The following LSM2 variants were observed in gnomAD, a reference collection of about 807,000 sequenced individuals.
LSM2 encodes the protein LSM2 homolog, U6 small nuclear RNA and mRNA degradation associated, also known as U6 snRNA-associated Sm-like protein LSm2.
A neutral mutation model predicts 17.0 loss-of-function variants in LSM2; 12 were observed. The observed-to-expected ratio is 0.70, with a 90% CI of 0.45 to 1.14. The LOEUF (loss-of-function observed/expected upper bound fraction) is 1.14, where lower values mean the gene tolerates loss of function less well. LSM2 is among the 50% of genes most tolerant of loss of function. LSM2 has a pLI of 0.00. For synonymous variants in LSM2, 42 were observed against 44.5 expected, an observed-to-expected ratio of 0.94 and a Z score of 0.22; for missense variants, 62 against 111.8, an observed-to-expected ratio of 0.55 and a Z score of 2.01.
chr6:31,800,663 G>A (rs1286992664), intron 2 of LSM2, among the ~76,000 whole-genome samples: 1 of 152,052 alleles, frequency 6.6e-6, no homozygotes, highest in Non-Finnish European at 1.5e-5. Context: ...CGAGGCGGGT[G>A]GATCACGAGG....
intron 1 of LSM2, 42 bp downstream of exon 1, chr6:31,806,713 G>A: frequency 1.2e-6 from 2 of 1,606,068 alleles, no homozygotes; most frequent in African/African-American, 2.7e-5. Context: ...CCAACCATGC[G>A]AGGTCCCCGA....
chr6:31,804,483 C>T (rs188730473), intron 2 of LSM2, among the ~76,000 whole-genome samples: 121 of 152,206 alleles, frequency 7.9e-4, no homozygotes, highest in Middle Eastern at 3.4e-3. Context: ...TCGTGTAAAA[C>T]AGCAATAGTA....
rs149631472 is a variant in LSM2 at position 31,801,753 on chromosome 6, G to A, written c.72-3246C>T. 5.4e-3 allele frequency among the ~76,000 whole-genome samples: 815 copies of A among 152,142 alleles called. 28 individuals are homozygous for A. The highest frequency in any genetic ancestry group is 0.048 in the Admixed American group (729 of 15,250). ...AGAGGTTGCAGTGAGCCAAGATCGC[G>A]CCACCGCACTCCAGCCAGGGCAACA... On this transcript the variant is annotated intron_variant, in intron 2 of 4. Transcript: ENST00000375661.
At chr6:31,806,395 G>C (rs1318751177) in intron 1 of LSM2, 1 of 600,508 alleles carries the variant, frequency 1.7e-6, no homozygotes, top group Non-Finnish European at 2.9e-6. Context: ...TCCCCACTGT[G>C]CTCTCTCAGT....
chr6:31,799,582 T>C (rs1814578803), intron 2 of LSM2, among the ~76,000 whole-genome samples: 1 of 151,352 alleles, frequency 6.6e-6, no homozygotes, highest in African/African-American at 2.4e-5. Flanking sequence ...GGTCTCGATC[T>C]CCTGACCTCA....
intron 2 of LSM2, among the ~76,000 whole-genome samples, chr6:31,800,588 A>C (rs1306190556): frequency 6.6e-6 from 1 of 151,990 alleles, no homozygotes; most frequent in African/African-American, 2.4e-5. Context: ...CCCCATCTCT[A>C]CTAAAAATAC....
At position 31,806,802 on chromosome 6, in the gene LSM2, G is replaced by A. The variant is rs557716739; in HGVS notation, c.-45C>T. 1,035 of 1,600,790 alleles carry A rather than the reference G, an allele frequency of 6.5e-4. 1 individual carries two copies. Among genetic ancestry groups the A allele is most frequent in the Admixed American group, 3.0e-3 (172 of 57,056 alleles). ...GCGGGCCGGACCGGGAAGACAGCAG[G>A]GTGCTGCGAGCAGGTCTGGGGAAAC... is the stretch of plus-strand genomic sequence containing the variant. On this transcript the variant is annotated 5_prime_UTR_variant, in exon 1 of 5. Transcript: ENST00000375661.
chr6:31,806,938 G>C lies in LSM2; in HGVS notation c.-181C>G. ...AAAGCGCGGCCGACTTGCGGCTGGG[G>C]AGCGCAAGCTGGGTAGAGTAGAGGG... On this transcript the variant is annotated 5_prime_UTR_variant, in exon 1 of 5. Coordinates refer to ENST00000375661, the MANE Select transcript of LSM2 (RefSeq NM_021177.5). The C allele has an allele frequency of 2.6e-6, 2 of 755,702 alleles. No individual in the cohort carries two copies. The highest frequency in any genetic ancestry group is 1.9e-5 in the South Asian group (1 of 53,048). 46.8% of individuals were successfully genotyped at this position (755,702 alleles called of 1,614,324 possible).
At chr6:31,805,291 C>G (rs1211360893) in intron 2 of LSM2, among the ~76,000 whole-genome samples, 2 of 149,260 alleles carry the variant, frequency 1.3e-5, no homozygotes, top group Non-Finnish European at 3.0e-5. Flanking sequence ...ACATCCTGGA[C>G]TCAAGTGATC....
chr6:31,801,555 G>A (rs376518720), intron 2 of LSM2, among the ~76,000 whole-genome samples: 3 of 152,218 alleles, frequency 2.0e-5, no homozygotes, highest in African/African-American at 7.2e-5. Flanking sequence ...AGCACTTTGG[G>A]AGGCTGAGGC....
rs187190432 is a variant in LSM2 at position 31,806,396 on chromosome 6, C to T, written c.4-254G>A. The T allele has an allele frequency of 4.3e-4, 258 of 600,646 alleles. 1 individual carries two copies. Among genetic ancestry groups the T allele is most frequent in the African/African-American group, 3.1e-3 (168 of 53,944 alleles). 37.2% of individuals were successfully genotyped at this position (600,646 alleles called of 1,614,324 possible). On this transcript the variant is annotated intron_variant, in intron 1 of 4. Transcript: ENST00000375661. ...TGCATACGTCGGCCTCCCCACTGTGCTCTCTCAGTCGACCACCTTTCTCGG... is the reference window on the plus strand; with the variant it reads ...TGCATACGTCGGCCTCCCCACTGTGTTCTCTCAGTCGACCACCTTTCTCGG...
At chr6:31,803,402 AG>A (rs1313667065) in intron 2 of LSM2, among the ~76,000 whole-genome samples, 1 of 152,038 alleles carries the variant, frequency 6.6e-6, no homozygotes, top group African/African-American at 2.4e-5. Context: ...GGTGGCATAT[AG>A]CCCCAGCTAT....
chr6:31,802,488 G>C (rs146717832), intron 2 of LSM2, among the ~76,000 whole-genome samples: 1 of 151,934 alleles, frequency 6.6e-6, no homozygotes, highest in East Asian at 1.9e-4. Flanking sequence ...CCAGCTACTC[G>C]GGAGGCTGAG....
intron 2 of LSM2, among the ~76,000 whole-genome samples, chr6:31,802,590 A>AT (rs1814782674): frequency 6.6e-6 from 1 of 151,540 alleles, no homozygotes. Flanking sequence ...ACTCGTCTCA[A>AT]TAAAAAAAAG....
rs1815040278 is a variant in LSM2 at position 31,806,428 on chromosome 6, G to C, written c.4-286C>G. The C allele has an allele frequency of 5.0e-6, 3 of 600,492 alleles. No homozygotes were observed. In the African/African-American group the frequency reaches 5.6e-5, roughly 11 times the overall value. The allele number at this position is 600,492 out of a possible 1,614,324, so 37.2% of individuals were successfully genotyped here. A position where few individuals can be genotyped will look rare whatever the true frequency, so the allele number is the denominator to read the frequency against. ...AGTCGACCACCTTTCTCGGGTACCTGCCCACTCCTTTCAATGAATTGTAGA... is the reference window on the plus strand; with the variant it reads ...AGTCGACCACCTTTCTCGGGTACCTCCCCACTCCTTTCAATGAATTGTAGA... On this transcript the variant is annotated intron_variant, in intron 1 of 4. Coordinates refer to ENST00000375661, the MANE Select transcript of LSM2 (RefSeq NM_021177.5).
intron 2 of LSM2, among the ~76,000 whole-genome samples, chr6:31,800,159 A>G (rs1814612346): frequency 6.6e-6 from 1 of 151,662 alleles, no homozygotes; most frequent in African/African-American, 2.4e-5. Context: ...ACATCGTGAA[A>G]CCCCATCTCT....
In LSM2 at chr6:31,804,763, C is replaced by CTT. The variant is rs9279424; in HGVS notation, c.71+1310_71+1311dup. Reference sequence around the variant, plus strand: ...CGGCCTATGGCCTGTTCTTTTTTTTCTTTTTTTTTTTTTTTTTTTTTGAGA... The same window carrying CTT: ...CGGCCTATGGCCTGTTCTTTTTTTTCTTTTTTTTTTTTTTTTTTTTTTTGAGA... On this transcript the variant is annotated intron_variant, in intron 2 of 4. Coordinates refer to ENST00000375661, the MANE Select transcript of LSM2 (RefSeq NM_021177.5). Among the ~76,000 whole-genome samples, 486 of 104,816 alleles carry CTT rather than the reference C, an allele frequency of 4.6e-3. 1 individual carries two copies. Among genetic ancestry groups the CTT allele is most frequent in the African/African-American group, 8.3e-3 (236 of 28,530 alleles). The allele number at this position is 104,816 out of a possible 152,430, so 68.8% of individuals were successfully genotyped here. A position where few individuals can be genotyped will look rare whatever the true frequency, so the allele number is the denominator to read the frequency against.
At position 31,797,569 on chromosome 6, in the gene LSM2, C is replaced by A; in HGVS notation, c.*188G>T. 1 of 765,006 alleles carries A rather than the reference C, an allele frequency of 1.3e-6. No homozygotes were observed. The highest frequency in any genetic ancestry group is 2.1e-6 in the Non-Finnish European group (1 of 484,170). The allele number at this position is 765,006 out of a possible 1,614,324, so 47.4% of individuals were successfully genotyped here. On this transcript the variant is annotated 3_prime_UTR_variant, in exon 5 of 5. Transcript: ENST00000375661. Reference sequence around the variant, plus strand: ...GAAGTTTCCCAGCCTACTTATCCTCCCCTTCTCAAGAGAGGATAGCTGTTC... The same window carrying A: ...GAAGTTTCCCAGCCTACTTATCCTCACCTTCTCAAGAGAGGATAGCTGTTC...
At chr6:31,799,379 T>TG (rs968616124) in intron 2 of LSM2, among the ~76,000 whole-genome samples, 2 of 151,992 alleles carry the variant, frequency 1.3e-5, no homozygotes, top group African/African-American at 4.8e-5. Context: ...TTTTTTGAGA[T>TG]GGAGTCTCGC....
Sources: allele counts gnomAD v4.1 joint callset (sites outside exome capture counted in the v4.1 genomes callset), GRCh38; gene constraint gnomAD v4.1.1; transcripts MANE v1.5; gene names NCBI Gene and HGNC (gene_info 2026-07-23, HGNC 2026-07-21).